ERC2: variants seen among roughly 807,000 people sequenced by gnomAD.
ERC2 encodes the protein ERC protein 2.
In ERC2, 42 loss-of-function variants were observed where a neutral mutation model predicts 114.8. The ratio of observed to expected loss-of-function variants is 0.37; its 90% CI spans 0.29 to 0.47. ERC2 has a LOEUF of 0.47. Ranked by LOEUF, ERC2 falls within the 20% of genes least tolerant of loss-of-function variation. ERC2 has a pLI of 0.99. For synonymous variants in ERC2, 454 were observed against 425.5 expected (o/e 1.07, Z -0.82); for missense variants, 939 against 1,150.7 (o/e 0.82, Z 2.66).
At chr3:56,389,742 G>A (rs1346249875) in intron 2 of ERC2, among the ~76,000 whole-genome samples, 1 of 152,110 alleles carries the variant, frequency 6.6e-6, no homozygotes, top group Non-Finnish European at 1.5e-5. Context: ...CTGCTGCTTG[G>A]AAGGAATTCC....
chr3:55,960,849 T>C (rs1197915821), intron 12 of ERC2, among the ~76,000 whole-genome samples: 2 of 152,234 alleles, frequency 1.3e-5, no homozygotes, highest in Non-Finnish European at 2.9e-5. Flanking sequence ...ACCACCCATG[T>C]GTTGGCCGGG....
chr3:56,243,608 C>G (rs1054529290), intron 3 of ERC2, among the ~76,000 whole-genome samples: 8 of 152,164 alleles, frequency 5.3e-5, no homozygotes, highest in Middle Eastern at 3.4e-3. Flanking sequence ...GTGACAGGAT[C>G]AGAGTTGAAG....
chr3:56,282,758 C>T (rs1301773309), intron 3 of ERC2, among the ~76,000 whole-genome samples: 1 of 152,156 alleles, frequency 6.6e-6, no homozygotes, highest in African/African-American at 2.4e-5. Context: ...TCCATGACCT[C>T]TATTCCATGA....
At chr3:55,904,118 C>A (rs898559305) in intron 13 of ERC2, among the ~76,000 whole-genome samples, 2 of 152,158 alleles carry the variant, frequency 1.3e-5, no homozygotes, top group African/African-American at 4.8e-5. Context: ...GAGAAATGTT[C>A]TCATGTACAG....
At chr3:55,762,836 C>T (rs1477991591) in intron 14 of ERC2, among the ~76,000 whole-genome samples, 3 of 152,200 alleles carry the variant, frequency 2.0e-5, no homozygotes, top group Admixed American at 6.5e-5. Context: ...GAGGAGAGAC[C>T]TAACTTACTC....
intron 13 of ERC2, among the ~76,000 whole-genome samples, chr3:55,934,185 T>C (rs1006349901): frequency 1.3e-5 from 2 of 152,212 alleles, no homozygotes; most frequent in Non-Finnish European, 2.9e-5. Context: ...TTTATGATGC[T>C]GGGAAAAAGT....
At chr3:56,089,620 G>A (rs142465165) in intron 6 of ERC2, among the ~76,000 whole-genome samples, 20 of 151,674 alleles carry the variant, frequency 1.3e-4, no homozygotes, top group African/African-American at 4.6e-4. Flanking sequence ...TCTCAATGAG[G>A]ATTAGCCATA....
At chr3:56,275,909 C>T (rs528052838) in intron 3 of ERC2, among the ~76,000 whole-genome samples, 2 of 152,064 alleles carry the variant, frequency 1.3e-5, no homozygotes, top group African/African-American at 4.8e-5. Flanking sequence ...GAGGACAAGC[C>T]CCCATCCCCA....
At chr3:56,341,278 C>T (rs1247631182) in intron 2 of ERC2, among the ~76,000 whole-genome samples, 1 of 152,120 alleles carries the variant, frequency 6.6e-6, no homozygotes, top group African/African-American at 2.4e-5. Flanking sequence ...GAGTAGAGCT[C>T]TGGAAACCTA....
intron 7 of ERC2, among the ~76,000 whole-genome samples, chr3:56,057,862 TA>T (rs923516255): frequency 1.9e-4 from 29 of 151,170 alleles, no homozygotes; most frequent in African/African-American, 4.6e-4. Flanking sequence ...ATACTATGGT[TA>T]AAAAAAAAGA....
At chr3:55,807,565 A>G (rs915385663) in intron 14 of ERC2, among the ~76,000 whole-genome samples, 2 of 152,166 alleles carry the variant, frequency 1.3e-5, no homozygotes, top group African/African-American at 4.8e-5. Flanking sequence ...TACAGTATAC[A>G]AGTGGGTGTG....
rs1478090570 is a variant in ERC2 at position 55,849,813 on chromosome 3, A to G, written c.2564+38576T>C. ...GTCCACAAATTCCAGGACTGCCCAA[A>G]TTAGGAGACAGCCAAGGAATTGATC... On this transcript the variant is annotated intron_variant, in intron 14 of 17. Coordinates refer to ENST00000288221, the MANE Select transcript of ERC2 (RefSeq NM_015576.3). Among the ~76,000 whole-genome samples, 4 of 152,198 alleles carry G rather than the reference A, an allele frequency of 2.6e-5. No individual in the cohort carries two copies. The East Asian group carries it at 7.7e-4, about 29-fold the overall frequency.
At chr3:56,244,024 T>C (rs906469075) in intron 3 of ERC2, among the ~76,000 whole-genome samples, 2 of 152,204 alleles carry the variant, frequency 1.3e-5, no homozygotes, top group African/African-American at 4.8e-5. Context: ...TGGATTCTAC[T>C]GTAAAGATAC....
At chr3:56,415,378 A>T (rs771783297) in intron 2 of ERC2, among the ~76,000 whole-genome samples, 2 of 152,238 alleles carry the variant, frequency 1.3e-5, no homozygotes, top group Non-Finnish European at 2.9e-5. Flanking sequence ...GAGACAAAAC[A>T]TTAACTCTAT....
At chr3:55,970,573 T>C (rs1021863078) in intron 12 of ERC2, among the ~76,000 whole-genome samples, 2 of 152,078 alleles carry the variant, frequency 1.3e-5, no homozygotes, top group Non-Finnish European at 2.9e-5. Flanking sequence ...AAATGGCCAA[T>C]AAGACCATGA....
chr3:56,214,155 C>T (rs1042795357), intron 3 of ERC2, among the ~76,000 whole-genome samples: 6 of 152,104 alleles, frequency 3.9e-5, no homozygotes, highest in African/African-American at 1.4e-4. Flanking sequence ...ATGACTTTGA[C>T]GAGTTGAGAG....
chr3:56,137,810 G>A (rs1287099411), intron 6 of ERC2, among the ~76,000 whole-genome samples: 1 of 152,084 alleles, frequency 6.6e-6, no homozygotes, highest in Non-Finnish European at 1.5e-5. Context: ...CTTGATATGT[G>A]GCTAATGTGA....
At chr3:55,657,859 T>C (rs2060945397) in intron 17 of ERC2, 2 of 152,178 alleles carry the variant, frequency 1.3e-5, no homozygotes, top group South Asian at 2.1e-4. Context: ...TGAAATGAAA[T>C]AATGTGTGTA....
At chr3:55,761,907 C>T (rs1417316693) in intron 14 of ERC2, among the ~76,000 whole-genome samples, 1 of 146,392 alleles carries the variant, frequency 6.8e-6, no homozygotes, top group Admixed American at 6.7e-5. Flanking sequence ...ATGTGGCTTT[C>T]TTTTCTCTCT....
Sources: gnomAD v4.1 joint callset for allele counts (sites outside exome capture counted in the v4.1 genomes callset) on GRCh38, gnomAD v4.1.1 for gene constraint, MANE v1.5 for transcripts, NCBI Gene and HGNC (gene_info 2026-07-23, HGNC 2026-07-21) for gene names.